The following FGF14 variants were observed in gnomAD, a reference collection of about 807,000 sequenced individuals.
FGF14 encodes the protein fibroblast growth factor homologous factor 4.
FGF14 carries 5 observed loss-of-function variants against 25.5 expected under a neutral mutation model. That is an observed-to-expected ratio of 0.20 (90% CI 0.10 to 0.41). The LOEUF is 0.41. Ranked by LOEUF, FGF14 falls within the 10% of genes least tolerant of loss-of-function variation. The pLI, the probability that FGF14 is intolerant of heterozygous loss-of-function variation, is 1.00. For missense variants in FGF14, 222 were observed against 320.1 expected (o/e 0.69, Z 2.34); for synonymous variants, 138 against 118.3 (o/e 1.17, Z -1.08).
chr13:102,120,297 G>A lies in FGF14; in HGVS notation c.209-245001C>T, dbSNP rs1178234413. On this transcript the variant is annotated intron_variant, in intron 1 of 4. Coordinates refer to the FGF14 transcript ENST00000376131. ...AAACAACTCAATGAAAAGACCTAGGGAAAAAAGCAAAGAAAGTGGAAAGCT... is the reference window on the plus strand; with the variant it reads ...AAACAACTCAATGAAAAGACCTAGGAAAAAAAGCAAAGAAAGTGGAAAGCT... Among the ~76,000 whole-genome samples the A allele has an allele frequency of 6.6e-5, 10 of 152,092 alleles. No homozygotes were observed. In the South Asian group the frequency reaches 1.7e-3, roughly 25 times the overall value.
intron 1 of FGF14, among the ~76,000 whole-genome samples, chr13:102,090,545 TGTTTAA>T (rs992888724): frequency 5.9e-5 from 9 of 152,218 alleles, no homozygotes; most frequent in South Asian, 2.1e-4. Flanking sequence ...GTAACCATTG[TGTTTAA>T]GTTTAATTTT....
chr13:101,921,380 C>T (rs531134428), upstream of FGF14, among the ~76,000 whole-genome samples: 2 of 152,242 alleles, frequency 1.3e-5, no homozygotes, highest in African/African-American at 4.8e-5. Flanking sequence ...TGGCCATGAA[C>T]GAACTACTGT....
chr13:102,374,111 C>A (rs922735373), intron 1 of FGF14, among the ~76,000 whole-genome samples: 1 of 152,108 alleles, frequency 6.6e-6, no homozygotes, highest in Non-Finnish European at 1.5e-5. Context: ...ACTATGACAT[C>A]GTACTAAAGC....
At chr13:101,801,273 G>A (rs2040851851) in intron 3 of FGF14, among the ~76,000 whole-genome samples, 1 of 152,152 alleles carries the variant, frequency 6.6e-6, no homozygotes. Flanking sequence ...GAGCTATGCT[G>A]CGTTTGGAAA....
At chr13:101,888,373 A>C (rs2046099773) in intron 1 of FGF14, among the ~76,000 whole-genome samples, 1 of 152,116 alleles carries the variant, frequency 6.6e-6, no homozygotes, top group African/African-American at 2.4e-5. Flanking sequence ...TCTAATTCTG[A>C]AATGTTAAGC....
intron 1 of FGF14, among the ~76,000 whole-genome samples, chr13:102,007,917 T>A (rs547689696): frequency 1.3e-5 from 2 of 152,316 alleles, no homozygotes; most frequent in South Asian, 2.1e-4. Flanking sequence ...AATCAGGGAA[T>A]GGGTGTATAA....
At chr13:101,745,149 ACATAG>A (rs1168846196) in intron 3 of FGF14, among the ~76,000 whole-genome samples, 1 of 152,074 alleles carries the variant, frequency 6.6e-6, no homozygotes, top group Non-Finnish European at 1.5e-5. Context: ...TGGGTGAACT[ACATAG>A]CACACTTATT....
At position 101,766,330 on chromosome 13, in the gene FGF14, A is replaced by G. The variant is rs141898441; in HGVS notation, c.409-39520T>C. Reference sequence around the variant, plus strand: ...TTTCTTCCTCTCTTCCTTTTTTCCAATTCTTACTACGGGCTTCCATGAGCT... The same window carrying G: ...TTTCTTCCTCTCTTCCTTTTTTCCAGTTCTTACTACGGGCTTCCATGAGCT... On this transcript the variant is annotated intron_variant, in intron 3 of 4. Transcript: ENST00000376143. Among the ~76,000 whole-genome samples, 155 of 152,134 alleles carry G rather than the reference A, an allele frequency of 1.0e-3. 1 individual carries two copies. Among genetic ancestry groups the G allele is most frequent in the African/African-American group, 3.6e-3 (151 of 41,526 alleles).
At chr13:102,132,264 C>G (rs1390336528) in intron 1 of FGF14, among the ~76,000 whole-genome samples, 1 of 152,138 alleles carries the variant, frequency 6.6e-6, no homozygotes, top group Non-Finnish European at 1.5e-5. Context: ...ATCTTACACA[C>G]ATAACATTAA....
At chr13:102,354,651 T>C (rs184899250) in intron 1 of FGF14, among the ~76,000 whole-genome samples, 1 of 152,310 alleles carries the variant, frequency 6.6e-6, no homozygotes, top group Admixed American at 6.5e-5. Context: ...GGAAGGTATG[T>C]AGCTTTTTTA....
At chr13:102,176,489 T>C (rs1010632409) in intron 1 of FGF14, among the ~76,000 whole-genome samples, 3 of 152,136 alleles carry the variant, frequency 2.0e-5, no homozygotes, top group African/African-American at 7.2e-5. Context: ...ATTTGAGTGG[T>C]AGGTTCGCTA....
chr13:101,739,610 G>A (rs2036412408), intron 3 of FGF14, among the ~76,000 whole-genome samples: 1 of 152,094 alleles, frequency 6.6e-6, no homozygotes, highest in Non-Finnish European at 1.5e-5. Flanking sequence ...AGACCCTGGG[G>A]CAGGAGGAGA....
chr13:102,204,421 C>A (rs1289558957), intron 1 of FGF14, among the ~76,000 whole-genome samples: 1 of 152,010 alleles, frequency 6.6e-6, no homozygotes, highest in Non-Finnish European at 1.5e-5. Flanking sequence ...CTGTGCCAAA[C>A]CTCAGTTTAG....
intron 3 of FGF14, among the ~76,000 whole-genome samples, chr13:101,727,590 T>A (rs1209540264): frequency 6.6e-6 from 1 of 152,160 alleles, no homozygotes; most frequent in African/African-American, 2.4e-5. Context: ...GCTTACTACT[T>A]TACAATTATT....
At chr13:101,804,962 CTTG>C (rs1335477122) in intron 3 of FGF14, among the ~76,000 whole-genome samples, 1 of 152,186 alleles carries the variant, frequency 6.6e-6, no homozygotes, top group East Asian at 1.9e-4. Context: ...ATCATTGTGC[CTTG>C]TTGTATGGAT....
intron 1 of FGF14, among the ~76,000 whole-genome samples, chr13:102,310,489 A>C (rs2055673089): frequency 6.6e-6 from 1 of 152,008 alleles, no homozygotes; most frequent in African/African-American, 2.4e-5. Flanking sequence ...ATTAGAATGA[A>C]GTCTTTTTGC....
chr13:102,132,247 C>T lies in FGF14; in HGVS notation c.209-256951G>A, dbSNP rs561033504. ...TAGTGTGCGGCAGAGAGAGACAACA[C>T]GGGGAGATCTTACACACATAACATT... On this transcript the variant is annotated intron_variant, in intron 1 of 4. Coordinates refer to the FGF14 transcript ENST00000376131. Among the ~76,000 whole-genome samples the T allele has an allele frequency of 9.9e-5, 15 of 152,150 alleles. No individual in the cohort carries two copies. In the East Asian group the frequency reaches 2.5e-3, roughly 25 times the overall value.
chr13:102,207,533 T>G (rs937077768), intron 1 of FGF14, among the ~76,000 whole-genome samples: 1 of 150,478 alleles, frequency 6.6e-6, no homozygotes, highest in South Asian at 2.1e-4. Flanking sequence ...TGAAAAGCAT[T>G]TGAAAAATGC....
Position 102,326,623 on chromosome 13 carries a change from AGGAGGGAAAG to A in FGF14, c.208+74838_208+74847del, listed in dbSNP as rs200917897. Among the ~76,000 whole-genome samples, 127 of 136,636 alleles carry A rather than the reference AGGAGGGAAAG, an allele frequency of 9.3e-4. 1 individual carries two copies. The East Asian group carries it at 0.02, about 22-fold the overall frequency. The allele number at this position is 136,636 out of a possible 152,430, so 89.6% of individuals were successfully genotyped here. A position where few individuals can be genotyped will look rare whatever the true frequency, so the allele number is the denominator to read the frequency against. ...AGCTCAAAAAGGAAGGAAGGAGGGA[AGGAGGGAAAG>A]GGAGGGAAAGGGAGGAGAAGGGAGG... On this transcript the variant is annotated intron_variant, in intron 1 of 4. Coordinates refer to the FGF14 transcript ENST00000376131.
Sources: gnomAD v4.1 joint callset for allele counts (sites outside exome capture counted in the v4.1 genomes callset) on GRCh38, gnomAD v4.1.1 for gene constraint, MANE v1.5 for transcripts, NCBI Gene and HGNC (gene_info 2026-07-23, HGNC 2026-07-21) for gene names.